Variants in ZFAND5 observed in about 807,000 individuals in gnomAD.
ZFAND5 encodes AN1-type zinc finger protein 5.
ZFAND5 carries 4 observed loss-of-function variants against 23.6 expected under a neutral mutation model. The observed-to-expected ratio is 0.17, with a 90% CI of 0.08 to 0.39. The LOEUF (loss-of-function observed/expected upper bound fraction) is 0.39, where lower values mean the gene tolerates loss of function less well. Ranked by LOEUF, ZFAND5 falls within the 10% of genes least tolerant of loss-of-function variation. ZFAND5 has a pLI of 1.00. For synonymous variants in ZFAND5, 68 were observed against 80.6 expected, an observed-to-expected ratio of 0.84 and a Z score of 0.84; for missense variants, 161 against 253.7, an observed-to-expected ratio of 0.63 and a Z score of 2.48.
chr9:72,363,122 A>T (rs901265694), intron 2 of ZFAND5, among the ~76,000 whole-genome samples: 3 of 152,244 alleles, frequency 2.0e-5, no homozygotes, highest in South Asian at 2.1e-4. Flanking sequence ...CAGTGGAGAC[A>T]GTGTAAAAAA....
Position 72,352,798 on chromosome 9 carries a change from A to G in ZFAND5, c.*3155T>C, listed in dbSNP as rs1841811378. ...AAGACAATAGCAAATACAATGTGCC[A>G]GGCACAGTTTTAAGTGTTGTCACCT... is the stretch of plus-strand genomic sequence containing the variant. On this transcript the variant is annotated 3_prime_UTR_variant, in exon 7 of 7. Transcript: ENST00000376962. 1 of 152,256 alleles carries G rather than the reference A, an allele frequency of 6.6e-6. No individual in the cohort carries two copies. The highest frequency in any genetic ancestry group is 6.5e-5 in the Admixed American group (1 of 15,290). The allele number at this position is 152,256 out of a possible 1,614,324, so 9.4% of individuals were successfully genotyped here. A position where few individuals can be genotyped will look rare whatever the true frequency, so the allele number is the denominator to read the frequency against.
intron 1 of ZFAND5, 76 bp downstream of exon 1, chr9:72,364,620 G>A: frequency 8.4e-7 from 1 of 1,194,452 alleles, no homozygotes; most frequent in Non-Finnish European, 1.1e-6. Context: ...GGCCCGCGGC[G>A]CCCCGGTCCC....
chr9:72,358,119 G>A (rs187406601), intron 5 of ZFAND5, among the ~76,000 whole-genome samples: 1 of 152,214 alleles, frequency 6.6e-6, no homozygotes, highest in East Asian at 1.9e-4. Context: ...CAAGCTGATT[G>A]ATTTAATGGC....
intron 3 of ZFAND5, 118 bp downstream of exon 3, chr9:72,360,510 T>G: frequency 7.2e-7 from 1 of 1,384,868 alleles, no homozygotes; most frequent in African/African-American, 1.4e-5. Context: ...TTGCTTGAAT[T>G]TCAAGCTCTT....
chr9:72,359,405 A>G lies in ZFAND5; in HGVS notation c.367+13T>C, dbSNP rs1842034664. 1.2e-6 allele frequency: 2 copies of G among 1,610,638 alleles called. No homozygotes were observed. Among genetic ancestry groups the G allele is most frequent in the South Asian group, 2.2e-5 (2 of 90,786 alleles). ...AAATTCAGAACTGAACAAGTATTAA[A>G]TGAAAAACATACCTGGCTCTGACAC... is the stretch of plus-strand genomic sequence containing the variant. On this transcript the variant is annotated intron_variant, in intron 5 of 6. Transcript: ENST00000376962.
At position 72,360,199 on chromosome 9, in the gene ZFAND5, A is replaced by C; in HGVS notation, c.174T>G (p.Ser58Arg). The C allele has an allele frequency of 6.2e-7, 1 of 1,612,866 alleles. No homozygotes were observed. Among genetic ancestry groups the C allele is most frequent in the Non-Finnish European group, 8.5e-7 (1 of 1,179,326 alleles). Residue 58 changes from serine to arginine, a missense_variant, in exon 4 of 7, where the codon AGT (serine) becomes AGG (arginine). Transcript: ENST00000376962. ...SPMGTASGSN[S>R]PTSDSASVQR... ...GTACAGATGCAGAATCTGAGGTAGG[A>C]CTGTTGGAACCACTAGCTGTTCCTA...
chr9:72,352,312 C>CA lies in ZFAND5; in HGVS notation c.*3640dup, dbSNP rs1203377384. 4 of 152,042 alleles carry CA rather than the reference C, an allele frequency of 2.6e-5. No homozygotes were observed. Among genetic ancestry groups the CA allele is most frequent in the Admixed American group, 6.6e-5 (1 of 15,264 alleles). 9.4% of individuals were successfully genotyped at this position (152,042 alleles called of 1,614,324 possible). A position where few individuals can be genotyped will look rare whatever the true frequency, so the allele number is the denominator to read the frequency against. Reference sequence around the variant, plus strand: ...TGGGCGACGGAGCCTCTGTCTCAAACAAACAAAACAAAACAAAAACAGACA... The same window carrying CA: ...TGGGCGACGGAGCCTCTGTCTCAAACAAAACAAAACAAAACAAAAACAGACA... On this transcript the variant is annotated 3_prime_UTR_variant, in exon 7 of 7. Transcript: ENST00000376962.
rs1448713049 is a variant in ZFAND5 at position 72,353,148 on chromosome 9, CTGCT to C, written c.*2801_*2804del. On this transcript the variant is annotated 3_prime_UTR_variant, in exon 7 of 7. Coordinates refer to ENST00000376962, the MANE Select transcript of ZFAND5 (RefSeq NM_001102420.3). ...AGGTCATGGGGGTGTAAATATTTGT[CTGCT>C]TATGTAAGGGAAACATGGTATATTA... 1.3e-5 allele frequency: 2 copies of C among 152,260 alleles called. No homozygotes were observed. The highest frequency in any genetic ancestry group is 1.3e-4 in the Admixed American group (2 of 15,292). The allele number at this position is 152,260 out of a possible 1,614,324, so 9.4% of individuals were successfully genotyped here. A position where few individuals can be genotyped will look rare whatever the true frequency, so the allele number is the denominator to read the frequency against.
rs982925052 is a variant in ZFAND5, at chr9:72,355,815, T to C, written c.*138A>G. The C allele has an allele frequency of 2.5e-6, 2 of 809,740 alleles. No individual in the cohort carries two copies. The highest frequency in any genetic ancestry group is 3.5e-5 in the African/African-American group (2 of 57,060). 50.2% of individuals were successfully genotyped at this position (809,740 alleles called of 1,614,324 possible). ...TAACAAACACCCAAACATCCTAAAA[T>C]ATCAATTATAAGACAGACAAGTGTA... is the stretch of plus-strand genomic sequence containing the variant. On this transcript the variant is annotated 3_prime_UTR_variant, in exon 7 of 7. Coordinates refer to ENST00000376962, the MANE Select transcript of ZFAND5 (RefSeq NM_001102420.3).
At chr9:72,359,105 A>T (rs1002376746) in intron 5 of ZFAND5, among the ~76,000 whole-genome samples, 13 of 152,150 alleles carry the variant, frequency 8.5e-5, no homozygotes, top group African/African-American at 2.4e-4. Flanking sequence ...TTATAAAATT[A>T]TTCCTTATAC....
intron 4 of ZFAND5, among the ~76,000 whole-genome samples, chr9:72,359,845 TAC>T (rs1032943651): frequency 1.3e-5 from 2 of 152,194 alleles, no homozygotes; most frequent in African/African-American, 4.8e-5. Context: ...AATAATATTC[TAC>T]AGTCTCACTC....
chr9:72,356,677 T>C (rs1276356858), intron 6 of ZFAND5, among the ~76,000 whole-genome samples: 2 of 152,172 alleles, frequency 1.3e-5, no homozygotes, highest in Non-Finnish European at 2.9e-5. Context: ...TTTCCCTAGG[T>C]ATACAAAAAC....
intron 3 of ZFAND5, 69 bp downstream of exon 3, chr9:72,360,559 C>T: frequency 1.3e-6 from 2 of 1,599,572 alleles, no homozygotes; most frequent in Non-Finnish European, 1.7e-6. Context: ...CATTCTCAGC[C>T]CCAATTCTTG....
At chr9:72,363,649 T>A (rs1380643160) in intron 1 of ZFAND5, 43 bp from the exon 2 acceptor site, 1 of 983,430 alleles carries the variant, frequency 1.0e-6, no homozygotes, top group Non-Finnish European at 1.2e-6. Flanking sequence ...GAATCCTTAA[T>A]TTTTTAGGGG....
Position 72,351,550 on chromosome 9 carries a change from A to G in ZFAND5, c.*4403T>C, listed in dbSNP as rs892526925. ...AAAACCAGCACTTGTGCATAGAAATAGCTATAAAATATTAAATGGCACTTT... is the reference window on the plus strand; with the variant it reads ...AAAACCAGCACTTGTGCATAGAAATGGCTATAAAATATTAAATGGCACTTT... On this transcript the variant is annotated 3_prime_UTR_variant, in exon 7 of 7. Coordinates refer to ENST00000376962, the MANE Select transcript of ZFAND5 (RefSeq NM_001102420.3). 6.6e-6 allele frequency: 1 copy of G among 151,866 alleles called. No homozygotes were observed. The highest frequency in any genetic ancestry group is 1.9e-4 in the East Asian group (1 of 5,170). 9.4% of individuals were successfully genotyped at this position (151,866 alleles called of 1,614,324 possible).
At chr9:72,360,904 A>G in intron 2 of ZFAND5, 117 bp from the exon 3 acceptor site, 1 of 913,716 alleles carries the variant, frequency 1.1e-6, no homozygotes, top group Non-Finnish European at 1.5e-6. Context: ...AAATTCCGTT[A>G]ATCATTAAAA....
At chr9:72,360,400 AGTG>A in intron 3 of ZFAND5, 179 bp from the exon 4 acceptor site, 1 of 816,214 alleles carries the variant, frequency 1.2e-6, no homozygotes, top group Non-Finnish European at 1.9e-6. Context: ...AATGAACACA[AGTG>A]TGAAACAAAA....
chr9:72,364,066 AGAC>A (rs968216764), intron 1 of ZFAND5: 1 of 153,056 alleles, frequency 6.5e-6, no homozygotes, highest in African/African-American at 2.4e-5. Flanking sequence ...GAAGCCCAAA[AGAC>A]GACGCCGAGA....
At chr9:72,357,290 G>A (rs919664969) in intron 5 of ZFAND5, among the ~76,000 whole-genome samples, 1 of 152,094 alleles carries the variant, frequency 6.6e-6, no homozygotes, top group Admixed American at 6.6e-5. Flanking sequence ...TAAAATGATC[G>A]CTTCACTCAA....
Sources: allele counts gnomAD v4.1 joint callset (sites outside exome capture counted in the v4.1 genomes callset), GRCh38; gene constraint gnomAD v4.1.1; transcripts MANE v1.5; gene names NCBI Gene and HGNC (gene_info 2026-07-23, HGNC 2026-07-21).